ELMOD1: variants seen among roughly 807,000 people sequenced by gnomAD.
ELMOD1 encodes ELMO domain-containing protein 1.
In ELMOD1, 21 loss-of-function variants were observed where a neutral mutation model predicts 46.7. That is an observed-to-expected ratio of 0.45 (90% CI 0.32 to 0.65). The LOEUF is 0.65. Ranked by LOEUF, ELMOD1 falls within the 30% of genes least tolerant of loss-of-function variation. The pLI, the probability that ELMOD1 is intolerant of heterozygous loss-of-function variation, is 0.04. For missense variants in ELMOD1, 348 were observed against 407.8 expected (o/e 0.85, Z 1.26); for synonymous variants, 122 against 138.2 (o/e 0.88, Z 0.82).
chr11:107,656,198 GC>G, intron 11 of ELMOD1, 132 bp downstream of exon 11: 1 of 984,592 alleles, frequency 1.0e-6, no homozygotes. Flanking sequence ...GACCAGCTTG[GC>G]CAGCATGGTG....
chr11:107,635,536 T>G, intron 5 of ELMOD1, 100 bp from the exon 6 acceptor site: 4 of 1,157,236 alleles, frequency 3.5e-6, no homozygotes, highest in Non-Finnish European at 4.8e-6. Flanking sequence ...GAATATTATA[T>G]TAATATGAAA....
intron 1 of ELMOD1, among the ~76,000 whole-genome samples, chr11:107,608,492 C>T (rs1472016653): frequency 6.6e-6 from 1 of 152,076 alleles, no homozygotes; most frequent in Non-Finnish European, 1.5e-5. Context: ...ACAGTGTGGA[C>T]CGGAAGCTTG....
intron 11 of ELMOD1, among the ~76,000 whole-genome samples, chr11:107,657,284 C>T (rs1298826863): frequency 6.6e-6 from 1 of 152,206 alleles, no homozygotes; most frequent in Non-Finnish European, 1.5e-5. Flanking sequence ...CACATCACAC[C>T]TGTAATCCCA....
At chr11:107,639,303 C>A (rs558207647) in intron 6 of ELMOD1, among the ~76,000 whole-genome samples, 4 of 152,196 alleles carry the variant, frequency 2.6e-5, no homozygotes, top group African/African-American at 9.6e-5. Flanking sequence ...TACTAGAGTT[C>A]TGAAGTATTT....
chr11:107,649,589 C>T lies in ELMOD1; in HGVS notation c.555-746C>T, dbSNP rs114295755. On this transcript the variant is annotated intron_variant, in intron 7 of 11. Transcript: ENST00000265840. ...TAACTGACAAAAGTATGAAAAGAAACTCAGTCTCACTAACAACTGTGAATA... is the reference window on the plus strand; with the variant it reads ...TAACTGACAAAAGTATGAAAAGAAATTCAGTCTCACTAACAACTGTGAATA... 2.8e-3 allele frequency among the ~76,000 whole-genome samples: 420 copies of T among 152,244 alleles called. 4 individuals are homozygous for T. Among genetic ancestry groups the T allele is most frequent in the African/African-American group, 9.7e-3 (401 of 41,554 alleles).
intron 1 of ELMOD1, among the ~76,000 whole-genome samples, chr11:107,615,229 C>CTTTTTTTTTTTTTTTTT (rs34461488): frequency 1.2e-5 from 1 of 81,132 alleles, no homozygotes; most frequent in Non-Finnish European, 2.1e-5. Context: ...TTGTCAGCAT[C>CTTTTTTTTTTTTTTTTT]TTTTTTTTTT....
At chr11:107,639,503 C>T (rs2135698187) in intron 6 of ELMOD1, among the ~76,000 whole-genome samples, 2 of 152,248 alleles carry the variant, frequency 1.3e-5, no homozygotes, top group Non-Finnish European at 1.5e-5. Flanking sequence ...AGACCCTCTC[C>T]TGATGGAAAG....
chr11:107,623,666 C>T (rs1432153226), intron 2 of ELMOD1: 1 of 152,122 alleles, frequency 6.6e-6, no homozygotes, highest in African/African-American at 2.4e-5. Context: ...CTCTCCAACA[C>T]CCTGGGTGTT....
chr11:107,625,884 G>T (rs1866032414), intron 2 of ELMOD1, among the ~76,000 whole-genome samples: 1 of 152,144 alleles, frequency 6.6e-6, no homozygotes, highest in East Asian at 1.9e-4. Context: ...TATTGAATCA[G>T]ATTCTCCCAG....
At chr11:107,625,632 A>G (rs1866028339) in intron 2 of ELMOD1, 3 of 901,016 alleles carry the variant, frequency 3.3e-6, no homozygotes, top group African/African-American at 3.6e-5. Context: ...TCCTCTAACA[A>G]AGCGCCACAA....
At chr11:107,655,493 A>AGGGT (rs1866611370) in intron 10 of ELMOD1, among the ~76,000 whole-genome samples, 1 of 150,704 alleles carries the variant, frequency 6.6e-6, no homozygotes, top group African/African-American at 2.4e-5. Context: ...AGGTTTTGAT[A>AGGGT]GGGTGGGGAC....
At chr11:107,634,464 C>T (rs1458950725) in intron 5 of ELMOD1, among the ~76,000 whole-genome samples, 7 of 152,050 alleles carry the variant, frequency 4.6e-5, no homozygotes, top group African/African-American at 1.2e-4. Context: ...ACCGGCTGGG[C>T]GCAGTGGCTC....
At chr11:107,613,609 A>T (rs1391432649) in intron 1 of ELMOD1, among the ~76,000 whole-genome samples, 1 of 152,232 alleles carries the variant, frequency 6.6e-6, no homozygotes, top group African/African-American at 2.4e-5. Context: ...CGGGGAGTTA[A>T]AGTATTATTT....
At chr11:107,648,875 G>A (rs1487427657) in intron 7 of ELMOD1, among the ~76,000 whole-genome samples, 2 of 151,532 alleles carry the variant, frequency 1.3e-5, no homozygotes, top group Non-Finnish European at 2.9e-5. Context: ...CTTTAATTCA[G>A]TCATGTGTAG....
At chr11:107,614,073 G>A (rs938420001) in intron 1 of ELMOD1, among the ~76,000 whole-genome samples, 2 of 152,094 alleles carry the variant, frequency 1.3e-5, no homozygotes, top group Non-Finnish European at 2.9e-5. Context: ...TCCAGTTGCT[G>A]GCCACAAACA....
chr11:107,635,810 C>T (rs760398972), intron 6 of ELMOD1, 45 bp downstream of exon 6: 2 of 1,574,284 alleles, frequency 1.3e-6, no homozygotes, highest in East Asian at 2.3e-5. Flanking sequence ...AGTCAGCTGA[C>T]ATTTGCCAGG....
At chr11:107,651,389 A>T (rs1049834703) in intron 9 of ELMOD1, among the ~76,000 whole-genome samples, 5 of 152,188 alleles carry the variant, frequency 3.3e-5, no homozygotes, top group African/African-American at 1.2e-4. Flanking sequence ...TTCTCCTCGC[A>T]TGATGGTAGG....
At chr11:107,630,200 T>C (rs1054029238) in intron 2 of ELMOD1, among the ~76,000 whole-genome samples, 4 of 152,230 alleles carry the variant, frequency 2.6e-5, no homozygotes, top group African/African-American at 9.6e-5. Context: ...TGTTGGAATA[T>C]CAGATTTACT....
chr11:107,618,113 T>TA lies in ELMOD1; in HGVS notation c.-76dup. 11 of 1,486,276 alleles carry TA rather than the reference T, an allele frequency of 7.4e-6. No homozygotes were observed. The highest frequency in any genetic ancestry group is 1.0e-5 in the Non-Finnish European group (11 of 1,087,506). 92.1% of individuals were successfully genotyped at this position (1,486,276 alleles called of 1,614,324 possible). On this transcript the variant is annotated 5_prime_UTR_variant, in exon 2 of 12. Coordinates refer to ENST00000265840, the MANE Select transcript of ELMOD1 (RefSeq NM_018712.4). The stretch of plus-strand genomic sequence containing the variant: ...CTAATTTCTTCCCACAGTTGACACT[T>TA]ACTTTGACAAAGGCAAATTTGGAAG...
Sources: allele counts gnomAD v4.1 joint callset (sites outside exome capture counted in the v4.1 genomes callset), GRCh38; gene constraint gnomAD v4.1.1; transcripts MANE v1.5; gene names NCBI Gene and HGNC (gene_info 2026-07-23, HGNC 2026-07-21).